Variants in FAM169A observed in about 807,000 individuals in gnomAD.
FAM169A encodes the protein soluble lamin-associated protein of 75 kDa.
A neutral mutation model predicts 75.7 loss-of-function variants in FAM169A; 24 were observed. That is an observed-to-expected ratio of 0.32 (90% CI 0.23 to 0.45). The LOEUF is 0.45. FAM169A is among the 20% of genes least tolerant of loss of function. The probability of loss-of-function intolerance (pLI) is 1.00; values close to 1 mark genes in which losing one functional copy is unlikely to be tolerated. For missense variants in FAM169A, 673 were observed against 784.0 expected (o/e 0.86, Z 1.69); for synonymous variants, 271 against 271.0 (o/e 1.00, Z 0.00).
intron 8 of FAM169A, among the ~76,000 whole-genome samples, chr5:74,801,850 T>C (rs1482421112): frequency 1.3e-5 from 2 of 152,240 alleles, no homozygotes; most frequent in African/African-American, 4.8e-5. Flanking sequence ...TGTCCACTAG[T>C]GTCTCCTAGT....
intron 1 of FAM169A, among the ~76,000 whole-genome samples, chr5:74,863,023 T>TTA (rs1554054438): frequency 1.6e-5 from 2 of 126,616 alleles, no homozygotes; most frequent in African/African-American, 6.3e-5. Context: ...TGTATTCATT[T>TTA]AAAAAAAAAA....
At chr5:74,850,608 C>G (rs990834653) in intron 1 of FAM169A, among the ~76,000 whole-genome samples, 1 of 152,070 alleles carries the variant, frequency 6.6e-6, no homozygotes, top group Non-Finnish European at 1.5e-5. Flanking sequence ...TAACCATGGG[C>G]AAATTACCTG....
At chr5:74,861,478 C>T (rs908350666) in intron 1 of FAM169A, among the ~76,000 whole-genome samples, 1 of 152,162 alleles carries the variant, frequency 6.6e-6, no homozygotes, top group Non-Finnish European at 1.5e-5. Flanking sequence ...GCTCCCAGCA[C>T]TTTGGGAGAC....
intron 1 of FAM169A, among the ~76,000 whole-genome samples, chr5:74,847,144 T>C (rs539902423): frequency 3.3e-4 from 50 of 152,304 alleles, no homozygotes; most frequent in African/African-American, 1.1e-3. Context: ...TGTGGTAAAA[T>C]ATACATAACA....
chr5:74,790,561 A>C (rs951535069), intron 11 of FAM169A, among the ~76,000 whole-genome samples: 1 of 152,206 alleles, frequency 6.6e-6, no homozygotes, highest in South Asian at 2.1e-4. Context: ...GTACTCTACC[A>C]AAGGGTGACC....
At chr5:74,818,725 G>A (rs1449785866) in intron 5 of FAM169A, among the ~76,000 whole-genome samples, 1 of 149,786 alleles carries the variant, frequency 6.7e-6, no homozygotes, top group Non-Finnish European at 1.5e-5. Flanking sequence ...GCAAAGACAA[G>A]ATTACAGATA....
chr5:74,836,856 G>A (rs1444611243), intron 4 of FAM169A, among the ~76,000 whole-genome samples: 2 of 152,006 alleles, frequency 1.3e-5, no homozygotes, highest in Admixed American at 1.3e-4. Flanking sequence ...GCTAAGGCAG[G>A]AGAATTGCTT....
chr5:74,866,527 C>T (rs889285689), upstream of FAM169A: 3 of 586,256 alleles, frequency 5.1e-6, no homozygotes, highest in African/African-American at 4.0e-5. Context: ...TTTCAGGCGC[C>T]GGCCCGGCAG....
chr5:74,806,683 G>A (rs1307766960), intron 6 of FAM169A, among the ~76,000 whole-genome samples: 5 of 152,168 alleles, frequency 3.3e-5, no homozygotes, highest in Non-Finnish European at 7.4e-5. Context: ...ATTTAAATTA[G>A]TGACTACTGT....
In FAM169A at chr5:74,838,993, G is replaced by C; in HGVS notation, c.290C>G (p.Ser97Cys). ...CTTAAGCCCCTCTCTTGAAGGAACA[G>C]ATGTTTTCACAATATCATCAATAGC... ...WWAIDDIVKT[S>C]VPSREGLKQV... The change falls in exon 4 of 13, where the codon TCT (serine) becomes TGT (cysteine). Residue 97 changes from serine (S) to cysteine (C), a missense_variant. By Grantham distance (112) the Ser-to-Cys change is moderately radical. Coordinates refer to ENST00000687041, the MANE Select transcript of FAM169A (RefSeq NM_001376049.1). 6.2e-7 allele frequency: 1 copy of C among 1,613,748 alleles called. No individual in the cohort carries two copies. The highest frequency in any genetic ancestry group is 8.5e-7 in the Non-Finnish European group (1 of 1,179,698).
intron 8 of FAM169A, among the ~76,000 whole-genome samples, chr5:74,802,406 A>G (rs1014067970): frequency 3.3e-5 from 5 of 152,056 alleles, no homozygotes; most frequent in Admixed American, 2.6e-4. Flanking sequence ...AGAGGAAAAA[A>G]CTTTTAATGG....
chr5:74,806,109 T>C (rs1018704720), intron 6 of FAM169A, among the ~76,000 whole-genome samples: 8 of 151,790 alleles, frequency 5.3e-5, no homozygotes, highest in African/African-American at 1.9e-4. Context: ...TTAAAAACCA[T>C]AGTAATTGAA....
intron 6 of FAM169A, 61 bp from the exon 7 acceptor site, chr5:74,805,345 A>G (rs1334570920): frequency 4.5e-6 from 7 of 1,547,350 alleles, no homozygotes; most frequent in African/African-American, 1.4e-5. Context: ...GAAAAACAGG[A>G]GTTGAAAAGT....
chr5:74,866,060 C>T, intron 1 of FAM169A, 105 bp downstream of exon 1: 1 of 534,842 alleles, frequency 1.9e-6, no homozygotes, highest in Non-Finnish European at 2.4e-6. Flanking sequence ...TGGCCCGCGT[C>T]GCCGCTCGGT....
intron 11 of FAM169A, among the ~76,000 whole-genome samples, chr5:74,784,125 A>ACT (rs1415986951): frequency 6.6e-6 from 1 of 152,192 alleles, no homozygotes; most frequent in African/African-American, 2.4e-5. Flanking sequence ...ATCTAGAGTT[A>ACT]CTGGTCATTC....
At chr5:74,864,783 CTT>C (rs1317160059) in intron 1 of FAM169A, among the ~76,000 whole-genome samples, 6 of 152,210 alleles carry the variant, frequency 3.9e-5, no homozygotes, top group Non-Finnish European at 5.9e-5. Flanking sequence ...CATGTTTTAT[CTT>C]TGTTTGCGCT....
intron 6 of FAM169A, among the ~76,000 whole-genome samples, chr5:74,813,319 T>C (rs987888687): frequency 6.6e-6 from 1 of 152,002 alleles, no homozygotes; most frequent in Non-Finnish European, 1.5e-5. Context: ...ATATGTTGTT[T>C]TGTTTGGTTT....
At chr5:74,850,132 C>T (rs1055002710) in intron 1 of FAM169A, among the ~76,000 whole-genome samples, 3 of 152,176 alleles carry the variant, frequency 2.0e-5, no homozygotes, top group Admixed American at 1.3e-4. Flanking sequence ...TTATCTAAAA[C>T]CCATGAGGTG....
intron 10 of FAM169A, chr5:74,799,377 A>T: frequency 6.2e-7 from 1 of 1,612,878 alleles, no homozygotes; most frequent in Non-Finnish European, 8.5e-7. Flanking sequence ...TTGAGTCTGA[A>T]AATGACTGGT....
Sources: gnomAD v4.1 joint callset for allele counts (sites outside exome capture counted in the v4.1 genomes callset) on GRCh38, gnomAD v4.1.1 for gene constraint, MANE v1.5 for transcripts, NCBI Gene and HGNC (gene_info 2026-07-23, HGNC 2026-07-21) for gene names.